The following NALF1 variants were observed in gnomAD, a reference collection of about 807,000 sequenced individuals.
NALF1 encodes the protein family with sequence similarity 155 member A.
NALF1 carries 3 observed loss-of-function variants against 48.4 expected under a neutral mutation model. That is an observed-to-expected ratio of 0.06 (90% CI 0.03 to 0.16). NALF1 has a LOEUF of 0.16. Among genes scored for constraint, NALF1 ranks in the 10% least tolerant of loss-of-function variants. NALF1 has a pLI of 1.00. For missense variants in NALF1, 526 were observed against 571.5 expected (o/e 0.92, Z 0.81); for synonymous variants, 262 against 245.7 (o/e 1.07, Z -0.62).
At chr13:107,732,369 C>T (rs149520411) in intron 1 of NALF1, among the ~76,000 whole-genome samples, 4,483 of 152,206 alleles carry the variant, frequency 0.029, 91 homozygotes, top group African/African-American at 0.058. Flanking sequence ...TTGATGTCTA[C>T]ATGGTGTGCA....
intron 1 of NALF1, among the ~76,000 whole-genome samples, chr13:107,229,595 G>A (rs1880177705): frequency 6.6e-6 from 1 of 152,144 alleles, no homozygotes; most frequent in Admixed American, 6.5e-5. Context: ...AAGTGGGTGA[G>A]GAATTTGGAG....
chr13:107,652,261 A>C (rs931769559), intron 1 of NALF1, among the ~76,000 whole-genome samples: 1 of 152,138 alleles, frequency 6.6e-6, no homozygotes, highest in Non-Finnish European at 1.5e-5. Flanking sequence ...AGTTGTGTGC[A>C]ATTACACTGC....
In NALF1 at chr13:107,681,928, C is replaced by T. The variant is rs142187723; in HGVS notation, c.915+183754G>A. Among the ~76,000 whole-genome samples, 341 of 152,268 alleles carry T rather than the reference C, an allele frequency of 2.2e-3. 3 individuals carry two copies. Among genetic ancestry groups the T allele is most frequent in the Non-Finnish European group, 3.7e-3 (254 of 68,016 alleles). Reference sequence around the variant, plus strand: ...ACTACCCCTAAACAAGCTTCCCAGTCGGCTCTTCTCACTATCTGTCCCAGG... The same window carrying T: ...ACTACCCCTAAACAAGCTTCCCAGTTGGCTCTTCTCACTATCTGTCCCAGG... On this transcript the variant is annotated intron_variant, in intron 1 of 2. Coordinates refer to ENST00000375915, the MANE Select transcript of NALF1 (RefSeq NM_001080396.3).
At chr13:107,564,872 A>C (rs1433107690) in intron 1 of NALF1, among the ~76,000 whole-genome samples, 6 of 152,038 alleles carry the variant, frequency 3.9e-5, no homozygotes, top group African/African-American at 7.2e-5. Flanking sequence ...CCTCAGCCCA[A>C]ATTCCCCCAT....
At chr13:107,789,492 T>C (rs1878167986) in intron 1 of NALF1, among the ~76,000 whole-genome samples, 1 of 152,240 alleles carries the variant, frequency 6.6e-6, no homozygotes, top group African/African-American at 2.4e-5. Flanking sequence ...ACTTCATCTT[T>C]ATCTCATCAT....
intron 1 of NALF1, among the ~76,000 whole-genome samples, chr13:107,566,784 C>CT (rs1877822669): frequency 6.6e-6 from 1 of 152,122 alleles, no homozygotes; most frequent in African/African-American, 2.4e-5. Context: ...CTAAAGAGAG[C>CT]TGTGTGAACA....
chr13:107,559,425 T>A (rs1877579276), intron 1 of NALF1, among the ~76,000 whole-genome samples: 1 of 151,992 alleles, frequency 6.6e-6, no homozygotes, highest in African/African-American at 2.4e-5. Context: ...AGAAAGGGAA[T>A]AAATGCAAGA....
chr13:107,318,073 G>A (rs1319944869), intron 1 of NALF1, among the ~76,000 whole-genome samples: 2 of 151,956 alleles, frequency 1.3e-5, no homozygotes, highest in Non-Finnish European at 2.9e-5. Context: ...AATACGGTAA[G>A]GAGATACGAC....
At chr13:107,277,891 G>C (rs1594101237) in intron 1 of NALF1, among the ~76,000 whole-genome samples, 1 of 152,190 alleles carries the variant, frequency 6.6e-6, no homozygotes, top group Non-Finnish European at 1.5e-5. Context: ...TGCTTCACTT[G>C]TTCTGTCCTG....
chr13:107,237,308 G>A (rs920895091), intron 1 of NALF1, among the ~76,000 whole-genome samples: 17 of 151,988 alleles, frequency 1.1e-4, no homozygotes, highest in Non-Finnish European at 1.3e-4. Context: ...ATATAATAAC[G>A]TAGAACATTA....
At chr13:107,382,465 T>C (rs774568360) in intron 1 of NALF1, among the ~76,000 whole-genome samples, 4 of 152,286 alleles carry the variant, frequency 2.6e-5, no homozygotes, top group South Asian at 4.2e-4. Context: ...TACAGAGGAG[T>C]TGCAAAAATG....
intron 1 of NALF1, among the ~76,000 whole-genome samples, chr13:107,620,923 T>C (rs546779433): frequency 6.6e-6 from 1 of 152,308 alleles, no homozygotes; most frequent in East Asian, 1.9e-4. Flanking sequence ...GTTTGGTTTA[T>C]TTGAAGAGAA....
chr13:107,669,821 A>G (rs1880949974), intron 1 of NALF1, among the ~76,000 whole-genome samples: 1 of 152,102 alleles, frequency 6.6e-6, no homozygotes, highest in Non-Finnish European at 1.5e-5. Flanking sequence ...GCAACTGCCT[A>G]GAGTCCTATT....
intron 1 of NALF1, among the ~76,000 whole-genome samples, chr13:107,493,866 G>A (rs1486031519): frequency 6.6e-6 from 1 of 152,046 alleles, no homozygotes; most frequent in African/African-American, 2.4e-5. Context: ...CTCCAGGCTG[G>A]GAGAAAGAGT....
At chr13:107,787,207 C>T (rs1878101492) in intron 1 of NALF1, among the ~76,000 whole-genome samples, 1 of 152,208 alleles carries the variant, frequency 6.6e-6, no homozygotes, top group Admixed American at 6.5e-5. Context: ...GTTCTTTGTA[C>T]ACCCATAACA....
intron 1 of NALF1, among the ~76,000 whole-genome samples, chr13:107,253,169 CTTTCTT>C (rs1006981437): frequency 1.2e-4 from 6 of 48,954 alleles, no homozygotes; most frequent in Non-Finnish European, 2.5e-4. Context: ...ACTGGGACTT[CTTTCTT>C]TTTTTTTTTT....
intron 1 of NALF1, among the ~76,000 whole-genome samples, chr13:107,629,648 A>C (rs1165687928): frequency 6.6e-6 from 1 of 152,166 alleles, no homozygotes; most frequent in African/African-American, 2.4e-5. Flanking sequence ...GAAAGCAACA[A>C]ATTTTGGAGT....
chr13:107,544,982 T>C (rs1877099062), intron 1 of NALF1, among the ~76,000 whole-genome samples: 1 of 152,182 alleles, frequency 6.6e-6, no homozygotes, highest in African/African-American at 2.4e-5. Flanking sequence ...CACACTGTGC[T>C]GAATTCTCTA....
intron 1 of NALF1, among the ~76,000 whole-genome samples, chr13:107,540,704 T>G (rs1041131043): frequency 1.3e-5 from 2 of 152,098 alleles, no homozygotes; most frequent in African/African-American, 4.8e-5. Context: ...AAACATTTTA[T>G]ACAAACTAAA....
Sources: allele counts gnomAD v4.1 joint callset (sites outside exome capture counted in the v4.1 genomes callset), GRCh38; gene constraint gnomAD v4.1.1; transcripts MANE v1.5; gene names NCBI Gene and HGNC (gene_info 2026-07-23, HGNC 2026-07-21).